The following CDKN2B-AS1 variants were observed in gnomAD, a reference collection of about 807,000 sequenced individuals.
CDKN2B-AS1 encodes CDKN2B and CDKN2A antisense cis and trans regulatory RNA 1.
chr9:22,106,606 A>G (rs1196013824), intron 4 of CDKN2B-AS1, among the ~76,000 whole-genome samples: 2 of 152,248 alleles, frequency 1.3e-5, no homozygotes, highest in Admixed American at 6.5e-5. Context: ...ATTAAATAAT[A>G]TATGTAAATG....
intron 3 of CDKN2B-AS1, among the ~76,000 whole-genome samples, chr9:22,052,089 T>C (rs1823371148): frequency 1.3e-5 from 2 of 152,302 alleles, no homozygotes; most frequent in Admixed American, 1.3e-4. Flanking sequence ...CTGACTTCCC[T>C]ACAACCTTGT....
chr9:22,015,770 G>A (rs891691252), intron 1 of CDKN2B-AS1, among the ~76,000 whole-genome samples: 9 of 152,146 alleles, frequency 5.9e-5, no homozygotes, highest in African/African-American at 1.7e-4. Context: ...TTTCCTGACT[G>A]TTTAATGATT....
At chr9:22,079,500 A>T (rs1587503029) in intron 4 of CDKN2B-AS1, among the ~76,000 whole-genome samples, 1 of 143,280 alleles carries the variant, frequency 7.0e-6, no homozygotes, top group African/African-American at 2.8e-5. Context: ...AGAGCAAAAC[A>T]CCATCTAAAA....
rs1217489198 is a variant in CDKN2B-AS1, at chr9:22,093,753, G to A, written n.439-33350G>A. Among the ~76,000 whole-genome samples, 2 of 144,058 alleles carry A rather than the reference G, an allele frequency of 1.4e-5. 1 individual carries two copies. Among genetic ancestry groups the A allele is most frequent in the African/African-American group, 5.8e-5 (2 of 34,356 alleles). 94.5% of individuals were successfully genotyped at this position (144,058 alleles called of 152,430 possible). On this transcript the variant is annotated intron_variant and non_coding_transcript_variant, in intron 4 of 4. Coordinates refer to ENST00000650946, the Ensembl canonical transcript of CDKN2B-AS1. Reference sequence around the variant, plus strand: ...GGATTCCTGAATACAGCACACTGATGGGTCTTGACTCTTTATCCAATTTGC... The same window carrying A: ...GGATTCCTGAATACAGCACACTGATAGGTCTTGACTCTTTATCCAATTTGC...
At chr9:22,015,112 T>C (rs376122470) in intron 1 of CDKN2B-AS1, among the ~76,000 whole-genome samples, 4,979 of 152,120 alleles carry the variant, frequency 0.033, 221 homozygotes, top group East Asian at 0.19. Context: ...TATAATCCTT[T>C]GGGTATATAC....
At chr9:22,048,674 C>A (rs1329205515) in intron 2 of CDKN2B-AS1, among the ~76,000 whole-genome samples, 1 of 152,050 alleles carries the variant, frequency 6.6e-6, no homozygotes, top group Non-Finnish European at 1.5e-5. Flanking sequence ...GGGAAAAGTA[C>A]AACAAATGAG....
chr9:22,105,450 C>T (rs116594029), intron 4 of CDKN2B-AS1, among the ~76,000 whole-genome samples: 1,594 of 152,226 alleles, frequency 0.01, 28 homozygotes, highest in African/African-American at 0.036. Context: ...TTGCATGAAG[C>T]GGGGCTGGGC....
intron 4 of CDKN2B-AS1, among the ~76,000 whole-genome samples, chr9:22,092,654 G>T (rs1825132500): frequency 6.6e-6 from 1 of 152,140 alleles, no homozygotes; most frequent in African/African-American, 2.4e-5. Context: ...GTATTTCTGT[G>T]GGATTGGTGG....
At chr9:22,077,997 T>C (rs534989083) in intron 4 of CDKN2B-AS1, 1 of 152,186 alleles carries the variant, frequency 6.6e-6, no homozygotes, top group Non-Finnish European at 1.5e-5. Flanking sequence ...TATTTTTAAG[T>C]TTTTTTTCAC....
chr9:22,107,662 C>T lies in CDKN2B-AS1; in HGVS notation n.439-19441C>T, dbSNP rs72654203. On this transcript the variant is annotated intron_variant and non_coding_transcript_variant, in intron 4 of 4. Transcript: ENST00000650946. ...TGCTTTCTCCTGTCCTGACTTTCTC[C>T]ACCCAGCACTGCAACCATACATACA... Among the ~76,000 whole-genome samples, 768 of 152,274 alleles carry T rather than the reference C, an allele frequency of 5.0e-3. 3 individuals are homozygous for T. Among genetic ancestry groups the T allele is most frequent in the Non-Finnish European group, 9.1e-3 (616 of 68,016 alleles).
intron 4 of CDKN2B-AS1, among the ~76,000 whole-genome samples, chr9:22,121,255 A>T (rs2131377228): frequency 6.6e-6 from 1 of 152,264 alleles, no homozygotes; most frequent in Non-Finnish European, 1.5e-5. Flanking sequence ...GATTAGATTG[A>T]TAATGGCAAG....
chr9:22,037,818 C>G (rs975850670), intron 1 of CDKN2B-AS1, among the ~76,000 whole-genome samples: 24 of 151,984 alleles, frequency 1.6e-4, no homozygotes, highest in Non-Finnish European at 3.4e-4. Context: ...TAGAGGATAA[C>G]ACATTAAGCT....
chr9:22,127,482 T>G (rs2131379620), exon 5 of CDKN2B-AS1, among the ~76,000 whole-genome samples: 1 of 152,348 alleles, frequency 6.6e-6, no homozygotes, highest in East Asian at 1.9e-4. Context: ...TTCTCACAGC[T>G]GGTGAATTAG....
At chr9:22,029,421 G>A (rs746122021) in intron 1 of CDKN2B-AS1, 2 of 779,156 alleles carry the variant, frequency 2.6e-6, no homozygotes, top group Admixed American at 1.7e-5. Context: ...AGATTTTTTG[G>A]ATGTTTTGCA....
chr9:22,006,766 AATTT>A lies in CDKN2B-AS1; in HGVS notation n.29+11611_29+11614del, dbSNP rs1453632650. 2.7e-5 allele frequency among the ~76,000 whole-genome samples: 4 copies of A among 150,854 alleles called. No homozygotes were observed. In the East Asian group the frequency reaches 7.9e-4, roughly 30 times the overall value. On this transcript the variant is annotated intron_variant and non_coding_transcript_variant, in intron 1 of 4. Coordinates refer to ENST00000650946, the Ensembl canonical transcript of CDKN2B-AS1. The surrounding 1 kb of genome is among the most constrained non-coding windows in gnomAD (Gnocchi z 6.4). ...AAGTTTTTTTCTTTCTTTTTTTTTTAATTTATTTAGTTCTCATAGCAAATCCCGT... is the reference window on the plus strand; with the variant it reads ...AAGTTTTTTTCTTTCTTTTTTTTTTAATTTAGTTCTCATAGCAAATCCCGT...
chr9:22,033,858 A>G (rs145797718), intron 1 of CDKN2B-AS1, among the ~76,000 whole-genome samples: 13 of 152,332 alleles, frequency 8.5e-5, no homozygotes, highest in South Asian at 2.1e-4. Flanking sequence ...TGAATGTGCT[A>G]TCTCATTCCA....
chr9:22,074,443 G>A (rs578248009), intron 4 of CDKN2B-AS1, among the ~76,000 whole-genome samples: 34 of 152,290 alleles, frequency 2.2e-4, no homozygotes, highest in African/African-American at 7.2e-4. Context: ...GACATAGGGG[G>A]ATGTAGGGAG....
intron 4 of CDKN2B-AS1, among the ~76,000 whole-genome samples, chr9:22,094,910 T>G (rs1321649612): frequency 1.4e-5 from 2 of 144,314 alleles, no homozygotes; most frequent in African/African-American, 2.9e-5. Context: ...AGTTTCCAGT[T>G]TTTCTGCTCT....
intron 3 of CDKN2B-AS1, among the ~76,000 whole-genome samples, chr9:22,049,916 A>G (rs905011538): frequency 9.9e-5 from 15 of 152,134 alleles, no homozygotes; most frequent in African/African-American, 3.1e-4. Flanking sequence ...CTTCCTAGCA[A>G]TCATAAAATT....
Sources: allele counts gnomAD v4.1 joint callset (sites outside exome capture counted in the v4.1 genomes callset), GRCh38; gene constraint gnomAD v4.1.1; non-coding constraint Gnocchi (gnomAD v3.1); transcripts MANE v1.5; gene names NCBI Gene and HGNC (gene_info 2026-07-23, HGNC 2026-07-21).